The following KDM2B variants were observed in gnomAD, a reference collection of about 807,000 sequenced individuals.
KDM2B encodes the protein lysine demethylase 2B.
A neutral mutation model predicts 150.0 loss-of-function variants in KDM2B; 26 were observed. That is an observed-to-expected ratio of 0.17 (90% CI 0.13 to 0.24). The LOEUF (loss-of-function observed/expected upper bound fraction) is 0.24. Ranked by LOEUF, KDM2B falls within the 10% of genes least tolerant of loss-of-function variation. The pLI is 1.00. For synonymous variants in KDM2B, 734 were observed against 729.5 expected, an observed-to-expected ratio of 1.01 and a Z score of -0.10; for missense variants, 1,265 against 1,816.9, an observed-to-expected ratio of 0.70 and a Z score of 5.52.
Position 121,430,530 on chromosome 12 carries a change from C to T in KDM2B, c.3830-61G>A. The T allele has an allele frequency of 7.9e-7, 1 of 1,262,076 alleles. No individual in the cohort carries two copies. Among genetic ancestry groups the T allele is most frequent in the Non-Finnish European group, 1.2e-6 (1 of 862,162 alleles). The allele number at this position is 1,262,076 out of a possible 1,614,324, so 78.2% of individuals were successfully genotyped here. ...CCAGGAGCCAGAAGCCCCCCCGCCG[C>T]CAGACCCAGGCACTCAGCAGTGGGG... On this transcript the variant is annotated intron_variant, in intron 22 of 22. Coordinates refer to ENST00000377071, the MANE Select transcript of KDM2B (RefSeq NM_032590.5). The surrounding 1 kb of genome is among the most constrained non-coding windows in gnomAD (Gnocchi z 4.4).
At chr12:121,548,030 T>C (rs1370181685) in intron 6 of KDM2B, among the ~76,000 whole-genome samples, 4 of 152,124 alleles carry the variant, frequency 2.6e-5, no homozygotes, top group Non-Finnish European at 4.4e-5. Flanking sequence ...TCCTTGAACA[T>C]GGAGGGGCTC....
Position 121,568,900 on chromosome 12 carries a change from AAC to A in KDM2B, c.397+5645_397+5646del, listed in dbSNP as rs142809647. Among the ~76,000 whole-genome samples, 309 of 149,122 alleles carry A rather than the reference AAC, an allele frequency of 2.1e-3. 2 individuals are homozygous for A. Among genetic ancestry groups the A allele is most frequent in the African/African-American group, 6.8e-3 (279 of 40,858 alleles). On this transcript the variant is annotated intron_variant, in intron 4 of 22. Transcript: ENST00000377071. ...AAAAAAAAAAAGGCTTGGAGCTGGG[AAC>A]AGACTGCTGATGGAGAAAAGCCCAA... is the stretch of plus-strand genomic sequence containing the variant.
chr12:121,510,845 G>A (rs561847368), intron 10 of KDM2B, among the ~76,000 whole-genome samples: 1 of 151,364 alleles, frequency 6.6e-6, no homozygotes, highest in South Asian at 2.1e-4. Context: ...ATAAAAATAA[G>A]TCTAAGAGAG....
At chr12:121,512,997 G>T (rs1885722270) in intron 10 of KDM2B, among the ~76,000 whole-genome samples, 1 of 152,240 alleles carries the variant, frequency 6.6e-6, no homozygotes. Context: ...TCCCGTTTTA[G>T]CAGCCAAGCC....
At chr12:121,473,054 A>G (rs1555296120) in intron 12 of KDM2B, among the ~76,000 whole-genome samples, 1 of 152,184 alleles carries the variant, frequency 6.6e-6, no homozygotes, top group African/African-American at 2.4e-5. Flanking sequence ...AGTTCTGTGG[A>G]CCATAGACTC....
chr12:121,495,674 G>A (rs782138729), intron 11 of KDM2B, among the ~76,000 whole-genome samples: 6 of 152,112 alleles, frequency 3.9e-5, no homozygotes, highest in Non-Finnish European at 5.9e-5. Flanking sequence ...ATTTAACTAC[G>A]TACTCAGCGA....
intron 4 of KDM2B, chr12:121,574,339 G>T (rs990922828): frequency 1.9e-6 from 1 of 515,884 alleles, no homozygotes; most frequent in Non-Finnish European, 3.5e-6. Context: ...ACTGTGTACC[G>T]GCAAACGCCC....
At chr12:121,524,935 C>G (rs1365497681) in intron 8 of KDM2B, 2 of 256,856 alleles carry the variant, frequency 7.8e-6, no homozygotes, top group African/African-American at 2.2e-5. Context: ...AGGTGGGGCT[C>G]ACCCACAACC....
chr12:121,569,202 C>G (rs1349410583), intron 4 of KDM2B, among the ~76,000 whole-genome samples: 1 of 152,218 alleles, frequency 6.6e-6, no homozygotes, highest in Admixed American at 6.5e-5. Flanking sequence ...CACTGCTTCC[C>G]CACTTTCAGT....
At position 121,444,753 on chromosome 12, in the gene KDM2B, C is replaced by T. The variant is rs1875849458; in HGVS notation, c.2104-217G>A. 3 of 588,304 alleles carry T rather than the reference C, an allele frequency of 5.1e-6. No individual in the cohort carries two copies. The South Asian group carries it at 5.9e-5, about 12-fold the overall frequency. The allele number at this position is 588,304 out of a possible 1,614,324, so 36.4% of individuals were successfully genotyped here. Reference sequence around the variant, plus strand: ...GTTCAGAGGCTGAGCCCCTTTGCTTCTCTGGGACCCTGGGCAAGACACTCC... The same window carrying T: ...GTTCAGAGGCTGAGCCCCTTTGCTTTTCTGGGACCCTGGGCAAGACACTCC... On this transcript the variant is annotated intron_variant, in intron 14 of 22. Transcript: ENST00000377071.
chr12:121,442,791 T>C lies in KDM2B; in HGVS notation c.2650A>G (p.Lys884Glu). The C allele has an allele frequency of 1.9e-6, 3 of 1,539,586 alleles. No individual in the cohort carries two copies. The highest frequency in any genetic ancestry group is 2.6e-6 in the Non-Finnish European group (3 of 1,149,770). Residue 884 changes from lysine to glutamate, a missense_variant, in exon 19 of 23, where the codon AAG becomes GAG. Around this residue, in one of 11 missense-constraint regions of KDM2B, gnomAD observed 418 missense variants for 402.4 expected, o/e 1.04. Coordinates refer to ENST00000377071, the MANE Select transcript of KDM2B (RefSeq NM_032590.5). This position sits in a 1 kb window ranked among gnomAD's most constrained non-coding sequence, Gnocchi z 7.7. ...NAEDRMALANKPLRRFKQEPE... is the reference protein window; with the variant it reads ...NAEDRMALANEPLRRFKQEPE... ...TCCTGCTTGAAGCGCCGGAGGGGCTTGTTGGCCAGCGCCATGCGGTCCTCG... is the reference window on the plus strand; with the variant it reads ...TCCTGCTTGAAGCGCCGGAGGGGCTCGTTGGCCAGCGCCATGCGGTCCTCG...
intron 6 of KDM2B, among the ~76,000 whole-genome samples, chr12:121,548,345 C>G (rs1889227607): frequency 6.6e-6 from 1 of 152,212 alleles, no homozygotes; most frequent in South Asian, 2.1e-4. Context: ...AGGGCACTGT[C>G]TAAGGTACAT....
chr12:121,426,302 T>G (rs1872508106), downstream of KDM2B, among the ~76,000 whole-genome samples: 1 of 152,176 alleles, frequency 6.6e-6, no homozygotes, highest in Non-Finnish European at 1.5e-5. Context: ...TAACCCTGGT[T>G]TATTAGCCAG....
intron 11 of KDM2B, among the ~76,000 whole-genome samples, chr12:121,496,150 C>G (rs1268820958): frequency 2.0e-5 from 3 of 152,038 alleles, no homozygotes; most frequent in African/African-American, 7.2e-5. Context: ...AGACAGACCC[C>G]CAGAACCCCA....
At chr12:121,458,965 A>C (rs1156696313) in intron 12 of KDM2B, among the ~76,000 whole-genome samples, 3 of 151,804 alleles carry the variant, frequency 2.0e-5, no homozygotes, top group African/African-American at 7.3e-5. Flanking sequence ...ACACACCTGT[A>C]GTCCCAGCTA....
rs563161984 is a variant in KDM2B at position 121,574,520 on chromosome 12, G to T, written c.397+27C>A. 8.7e-6 allele frequency: 14 copies of T among 1,611,916 alleles called. No individual in the cohort carries two copies. In the South Asian group the frequency reaches 1.5e-4, roughly 18 times the overall value. On this transcript the variant is annotated intron_variant, in intron 4 of 22. Transcript: ENST00000377071. Reference sequence around the variant, plus strand: ...TCCCCTTCCCTACTTCAGCATGTCTGAGCCACACACACGGCAAGCGACTTA... The same window carrying T: ...TCCCCTTCCCTACTTCAGCATGTCTTAGCCACACACACGGCAAGCGACTTA...
chr12:121,576,141 C>A (rs1249290838), intron 2 of KDM2B, among the ~76,000 whole-genome samples: 1 of 152,066 alleles, frequency 6.6e-6, no homozygotes, highest in African/African-American at 2.4e-5. Flanking sequence ...CCAAGGCCAG[C>A]GAGGGTTGGG....
chr12:121,413,520 T>G, the KDM2B span, among the ~76,000 whole-genome samples: 25 of 149,538 alleles, frequency 1.7e-4, no homozygotes, highest in South Asian at 4.8e-3. Context: ...CAAGCGATTC[T>G]CCTGCCTCAG....
In KDM2B at chr12:121,442,968, A is replaced by G; in HGVS notation, c.2604+24T>C. ...AGCTCTAACCGCTCAGGCCTGGGGC[A>G]CAGGAGGGAGGGGAAGATGGTACCT... On this transcript the variant is annotated intron_variant, in intron 18 of 22. Transcript: ENST00000377071. This position sits in a 1 kb window ranked among gnomAD's most constrained non-coding sequence, Gnocchi z 7.7. 1 of 1,612,498 alleles carries G rather than the reference A, an allele frequency of 6.2e-7. No individual in the cohort carries two copies. The highest frequency in any genetic ancestry group is 8.5e-7 in the Non-Finnish European group (1 of 1,179,216).
Sources: allele counts gnomAD v4.1 joint callset (sites outside exome capture counted in the v4.1 genomes callset), GRCh38; gene constraint gnomAD v4.1.1; regional missense constraint gnomAD v4.1.1; non-coding constraint Gnocchi (gnomAD v3.1); transcripts MANE v1.5; gene names NCBI Gene and HGNC (gene_info 2026-07-23, HGNC 2026-07-21).